Variants in ZFP62 observed in about 807,000 individuals in gnomAD.
ZFP62 encodes zinc finger protein 62 homolog.
Under a neutral mutation model 56.4 loss-of-function variants are expected in ZFP62, and 44 were observed. The observed-to-expected ratio is 0.78, with a 90% CI of 0.61 to 1.00. The LOEUF is 1.00. Among genes scored for constraint, ZFP62 ranks in the 50% least tolerant of loss-of-function variants. The pLI, the probability that ZFP62 is intolerant of heterozygous loss-of-function variation, is 0.00. For synonymous variants in ZFP62, 421 were observed against 388.9 expected (o/e 1.08, Z -0.97); for missense variants, 1,030 against 1,085.7 (o/e 0.95, Z 0.72).
the ZFP62 span, chr5:180,834,578 TG>T: frequency 6.6e-6 from 1 of 152,320 alleles, no homozygotes; most frequent in Admixed American, 6.5e-5. Flanking sequence ...GCCTGCACCT[TG>T]ATCTTGGACT....
In ZFP62 at chr5:180,848,738, T is replaced by C. The variant is rs1773511467; in HGVS notation, c.*54A>G. On this transcript the variant is annotated 3_prime_UTR_variant, in exon 2 of 2. Transcript: ENST00000502412. Reference sequence around the variant, plus strand: ...AGCCATGACCCCCTACATTCTTACATTCATAAGGTATTTCTTCCATTTGAG... The same window carrying C: ...AGCCATGACCCCCTACATTCTTACACTCATAAGGTATTTCTTCCATTTGAG... 1 of 1,459,786 alleles carries C rather than the reference T, an allele frequency of 6.9e-7. No individual in the cohort carries two copies. Among genetic ancestry groups the C allele is most frequent in the East Asian group, 2.5e-5 (1 of 40,106 alleles). The allele number at this position is 1,459,786 out of a possible 1,614,324, so 90.4% of individuals were successfully genotyped here. A position where few individuals can be genotyped will look rare whatever the true frequency, so the allele number is the denominator to read the frequency against.
In ZFP62 at chr5:180,861,206, C is replaced by G. The variant is rs1035739634; in HGVS notation, c.1+13G>C. 49 of 398,180 alleles carry G rather than the reference C, an allele frequency of 1.2e-4. No homozygotes were observed. Among genetic ancestry groups the G allele is most frequent in the Non-Finnish European group, 1.9e-4 (44 of 225,818 alleles). The allele number at this position is 398,180 out of a possible 1,614,324, so 24.7% of individuals were successfully genotyped here. A position where few individuals can be genotyped will look rare whatever the true frequency, so the allele number is the denominator to read the frequency against. ...CCGGGGGCGGGAGCGCGGGCGGCCG[C>G]GGACTCACGTACTGGCTGTGGCGGC... On this transcript the variant is annotated intron_variant, in intron 1 of 1. Transcript: ENST00000502412.
chr5:180,843,785 T>C (rs1773361659), downstream of ZFP62, among the ~76,000 whole-genome samples: 1 of 152,234 alleles, frequency 6.6e-6, no homozygotes, highest in South Asian at 2.1e-4. Context: ...TTTATGTAGA[T>C]GACTGCATGC....
chr5:180,851,518 A>G lies in ZFP62; in HGVS notation c.2-25T>C, dbSNP rs1196333077. The G allele has an allele frequency of 1.4e-5, 21 of 1,495,174 alleles. No homozygotes were observed. The East Asian group carries it at 5.2e-4, about 37-fold the overall frequency. The allele number at this position is 1,495,174 out of a possible 1,614,324, so 92.6% of individuals were successfully genotyped here. On this transcript the variant is annotated intron_variant, in intron 1 of 1. Coordinates refer to ENST00000502412, the MANE Select transcript of ZFP62 (RefSeq NM_001172638.2). ...ACTAAACCAAGAAAATGAAAAGGAC[A>G]CCTATTCACTCTCTTAAAAAAAAAC... is the stretch of plus-strand genomic sequence containing the variant.
At chr5:180,833,020 G>A in the ZFP62 span, among the ~76,000 whole-genome samples, 2 of 152,176 alleles carry the variant, frequency 1.3e-5, no homozygotes, top group African/African-American at 2.4e-5. Flanking sequence ...TTGAGCACAC[G>A]GACTGTTTAC....
At chr5:180,855,680 A>G (rs1309743830) in intron 1 of ZFP62, among the ~76,000 whole-genome samples, 3 of 152,144 alleles carry the variant, frequency 2.0e-5, no homozygotes, top group African/African-American at 4.8e-5. Flanking sequence ...TCCCTTGGCC[A>G]CATCCAAAAC....
At chr5:180,827,889 A>G in the ZFP62 span, among the ~76,000 whole-genome samples, 3 of 152,244 alleles carry the variant, frequency 2.0e-5, no homozygotes, top group Non-Finnish European at 4.4e-5. Flanking sequence ...TGCTTTGTAA[A>G]GCATTGAGAT....
intron 1 of ZFP62, among the ~76,000 whole-genome samples, chr5:180,857,405 C>T (rs1774045818): frequency 6.6e-6 from 1 of 152,202 alleles, no homozygotes; most frequent in African/African-American, 2.4e-5. Flanking sequence ...ACAAGCCCAG[C>T]AGTGTGCCCA....
the ZFP62 span, among the ~76,000 whole-genome samples, chr5:180,837,716 G>A: frequency 2.6e-5 from 4 of 152,128 alleles, no homozygotes; most frequent in African/African-American, 9.7e-5. Context: ...TTCCCCACAA[G>A]ACTCTTCTGG....
At position 180,850,715 on chromosome 5, in the gene ZFP62, C is replaced by G. The variant is rs767234269; in HGVS notation, c.780G>C (p.Lys260Asn). 1.9e-6 allele frequency: 3 copies of G among 1,606,218 alleles called. 1 individual carries two copies. Among genetic ancestry groups the G allele is most frequent in the South Asian group, 2.2e-5 (2 of 90,006 alleles). The stretch of plus-strand genomic sequence containing the variant: ...TGAGCCCAGAGCTGTTCCTGAAGGC[C>G]TTCCCACACTCACCACATTCATAGG... ...EKPYECGECGKAFRNSSGLRV... is the reference protein window; with the variant it reads ...EKPYECGECGNAFRNSSGLRV... The change falls in exon 2 of 2, where the codon AAG becomes AAC. Residue 260 changes from lysine to asparagine, a missense_variant. Physicochemically the swap from Lys to Asn is moderately conservative, Grantham distance 94. Coordinates refer to ENST00000502412, the MANE Select transcript of ZFP62 (RefSeq NM_001172638.2).
chr5:180,849,680 T>C lies in ZFP62; in HGVS notation c.1815A>G (p.Thr605=). ...CCCCAAGATGAACTTTTTTGTGGTT[T>C]GTAAGGGTTCGGTATGTGATGAAGG... is the stretch of plus-strand genomic sequence containing the variant. ...EKAFITYRTL[T]NHKKVHLGEK... is the part of the protein sequence containing the mutation. Residue 605 remains threonine, a synonymous_variant, in exon 2 of 2, where the codon ACA becomes ACG. Transcript: ENST00000502412. The C allele has an allele frequency of 6.4e-7, 1 of 1,551,774 alleles. No individual in the cohort carries two copies. Among genetic ancestry groups the C allele is most frequent in the Non-Finnish European group, 8.7e-7 (1 of 1,146,992 alleles).
chr5:180,844,291 G>C (rs1561898422), downstream of ZFP62, among the ~76,000 whole-genome samples: 1 of 152,142 alleles, frequency 6.6e-6, no homozygotes, highest in Non-Finnish European at 1.5e-5. Context: ...TTACAGATGG[G>C]AAAATGACAG....
rs1182824016 is a variant in ZFP62 at position 180,849,802 on chromosome 5, C to G, written c.1693G>C (p.Glu565Gln). 1.9e-6 allele frequency: 3 copies of G among 1,551,838 alleles called. No individual in the cohort carries two copies. The highest frequency in any genetic ancestry group is 2.6e-6 in the Non-Finnish European group (3 of 1,147,092). ...AGAGAGATGTATGCTTTCCCACATTCTTCACATTTGTAAGGTCGTTCCCCA... is the reference window on the plus strand; with the variant it reads ...AGAGAGATGTATGCTTTCCCACATTGTTCACATTTGTAAGGTCGTTCCCCA... ...HTGERPYKCE[E>Q]CGKAYISLSS... Residue 565 changes from glutamate (E) to glutamine (Q), a missense_variant, in exon 2 of 2, where the codon GAA becomes CAA. Glu to Gln is a conservative substitution (Grantham distance 29, BLOSUM62 2). Transcript: ENST00000502412.
rs1773484500 is a variant in ZFP62 at position 180,848,161 on chromosome 5, C to T, written c.*631G>A. On this transcript the variant is annotated 3_prime_UTR_variant, in exon 2 of 2. Coordinates refer to ENST00000502412, the MANE Select transcript of ZFP62 (RefSeq NM_001172638.2). ...ATTTGCATTTTTTATGAGTGACTCTCTCCTATCTCCTGTTAGACTTGTAAG... is the reference window on the plus strand; with the variant it reads ...ATTTGCATTTTTTATGAGTGACTCTTTCCTATCTCCTGTTAGACTTGTAAG... 4.1e-6 allele frequency: 4 copies of T among 985,418 alleles called. No homozygotes were observed. Among genetic ancestry groups the T allele is most frequent in the Non-Finnish European group, 4.8e-6 (4 of 829,920 alleles). 61.0% of individuals were successfully genotyped at this position (985,418 alleles called of 1,614,324 possible). A position where few individuals can be genotyped will look rare whatever the true frequency, so the allele number is the denominator to read the frequency against.
the ZFP62 span, among the ~76,000 whole-genome samples, chr5:180,827,282 AAGAG>A: frequency 5.9e-5 from 9 of 152,216 alleles, no homozygotes; most frequent in African/African-American, 1.9e-4. Flanking sequence ...GGGGAAAAGA[AAGAG>A]AGATCAGATT....
intron 1 of ZFP62, 52 bp from the exon 2 acceptor site, chr5:180,851,545 AAAAC>A (rs1479441685): frequency 6.8e-7 from 1 of 1,461,740 alleles, no homozygotes; most frequent in African/African-American, 1.4e-5. Flanking sequence ...AAAAAAAACA[AAAAC>A]AAACTGGAAT....
the ZFP62 span, chr5:180,832,661 A>G: frequency 6.6e-6 from 1 of 152,302 alleles, no homozygotes; most frequent in South Asian, 2.1e-4. Flanking sequence ...TGACTACCTC[A>G]TGACCCCTTA....
At chr5:180,836,225 A>G in the ZFP62 span, among the ~76,000 whole-genome samples, 1 of 151,870 alleles carries the variant, frequency 6.6e-6, no homozygotes, top group East Asian at 1.9e-4. Flanking sequence ...ACCCATGACT[A>G]TTCATTCTAC....
the ZFP62 span, chr5:180,834,552 A>G: frequency 6.6e-6 from 1 of 152,434 alleles, no homozygotes; most frequent in South Asian, 2.1e-4. Flanking sequence ...GTGGACCCTC[A>G]TCAGACACCA....
Sources: gnomAD v4.1 joint callset for allele counts (sites outside exome capture counted in the v4.1 genomes callset) on GRCh38, gnomAD v4.1.1 for gene constraint, MANE v1.5 for transcripts, NCBI Gene and HGNC (gene_info 2026-07-23, HGNC 2026-07-21) for gene names.